Variants in LRCH1 observed in about 807,000 individuals in gnomAD.
LRCH1 encodes leucine rich repeats and calponin homology domain containing 1.
In LRCH1, 23 loss-of-function variants were observed where a neutral mutation model predicts 94.9. That is an observed-to-expected ratio of 0.24 (90% CI 0.17 to 0.34). LRCH1 has a LOEUF of 0.34. LRCH1 is among the 10% of genes least tolerant of loss of function. The pLI is 1.00. For synonymous variants in LRCH1, 364 were observed against 354.9 expected (o/e 1.03, Z -0.29); for missense variants, 790 against 945.9 (o/e 0.84, Z 2.16).
intron 3 of LRCH1, among the ~76,000 whole-genome samples, chr13:46,674,314 C>G (rs918910712): frequency 6.6e-6 from 1 of 152,130 alleles, no homozygotes; most frequent in Non-Finnish European, 1.5e-5. Context: ...CTGCCTTGTC[C>G]TGCCATTTGA....
At chr13:46,560,507 T>G (rs1426032295) in intron 1 of LRCH1, among the ~76,000 whole-genome samples, 1 of 152,310 alleles carries the variant, frequency 6.6e-6, no homozygotes, top group Non-Finnish European at 1.5e-5. Flanking sequence ...TTGGTGTTAA[T>G]TGCAGTGATT....
intron 1 of LRCH1, among the ~76,000 whole-genome samples, chr13:46,580,178 C>G (rs1419027931): frequency 6.6e-6 from 1 of 152,200 alleles, no homozygotes; most frequent in Non-Finnish European, 1.5e-5. Context: ...GGATAATAAG[C>G]TAGCTCTGAG....
chr13:46,698,506 T>C (rs1871308698), intron 9 of LRCH1, among the ~76,000 whole-genome samples: 1 of 152,180 alleles, frequency 6.6e-6, no homozygotes, highest in South Asian at 2.1e-4. Context: ...GTTGTACACG[T>C]GAAAACTATT....
chr13:46,708,028 C>T (rs980262726), intron 13 of LRCH1, among the ~76,000 whole-genome samples: 5 of 152,192 alleles, frequency 3.3e-5, no homozygotes, highest in Non-Finnish European at 7.3e-5. Flanking sequence ...GGTATATTGC[C>T]TCTTCATGCT....
chr13:46,614,280 G>C (rs541448127), intron 1 of LRCH1, among the ~76,000 whole-genome samples: 1 of 152,160 alleles, frequency 6.6e-6, no homozygotes, highest in East Asian at 1.9e-4. Flanking sequence ...TGCCCCTCCC[G>C]ATTATGCCTT....
chr13:46,681,094 G>A (rs960210819), intron 3 of LRCH1, among the ~76,000 whole-genome samples: 4 of 152,216 alleles, frequency 2.6e-5, no homozygotes, highest in African/African-American at 9.6e-5. Flanking sequence ...GCTTAATTGA[G>A]TATTTGCTTC....
chr13:46,597,950 C>T (rs1292749076), intron 1 of LRCH1, among the ~76,000 whole-genome samples: 1 of 152,068 alleles, frequency 6.6e-6, no homozygotes, highest in African/African-American at 2.4e-5. Context: ...GTGTTCAAGG[C>T]AACTTCATAG....
intron 3 of LRCH1, among the ~76,000 whole-genome samples, chr13:46,674,960 G>A (rs1168779395): frequency 9.2e-5 from 14 of 152,078 alleles, no homozygotes; most frequent in Non-Finnish European, 2.1e-4. Flanking sequence ...TTAACTCCTA[G>A]TGGTTTTTCC....
intron 1 of LRCH1, among the ~76,000 whole-genome samples, chr13:46,624,279 C>T (rs2050918534): frequency 6.6e-6 from 1 of 152,118 alleles, no homozygotes; most frequent in African/African-American, 2.4e-5. Flanking sequence ...ATAAAAGCCT[C>T]CTTCATTTGT....
intron 11 of LRCH1, among the ~76,000 whole-genome samples, chr13:46,704,015 A>G (rs902547828): frequency 6.6e-6 from 1 of 152,148 alleles, no homozygotes; most frequent in South Asian, 2.1e-4. Context: ...TTAAAATACT[A>G]TGTTGTAAAA....
At chr13:46,553,849 G>T (rs2137885520) in intron 1 of LRCH1, 146 bp downstream of exon 1, 4 of 1,470,004 alleles carry the variant, frequency 2.7e-6, no homozygotes, top group South Asian at 2.5e-5. Context: ...GAAGGGACTC[G>T]CGTGGGCGCG....
Position 46,744,552 on chromosome 13 carries a change from A to T in LRCH1, c.*2704A>T. The stretch of plus-strand genomic sequence containing the variant: ...TGGAAAGGGGCCCCGCAGAACTACA[A>T]TGTATGATAATCGAGTATAAATTTC... On this transcript the variant is annotated 3_prime_UTR_variant, in exon 20 of 20. Coordinates refer to ENST00000389797, the MANE Select transcript of LRCH1 (RefSeq NM_001164211.2). The T allele has an allele frequency of 5.1e-6, 5 of 985,428 alleles. No homozygotes were observed. Among genetic ancestry groups the T allele is most frequent in the Non-Finnish European group, 6.0e-6 (5 of 829,934 alleles). 61.0% of individuals were successfully genotyped at this position (985,428 alleles called of 1,614,324 possible). A position where few individuals can be genotyped will look rare whatever the true frequency, so the allele number is the denominator to read the frequency against.
At position 46,715,600 on chromosome 13, in the gene LRCH1, T is replaced by C; in HGVS notation, c.1695T>C (p.Leu565=). ...LILPPISFNT[L]TQAQTWDSSS... ...TTCCTCCTATCTCCTTCAACACACT[T>C]ACACAGGCACAGACATGGGACAGCT... Residue 565 remains leucine (L), a synonymous_variant, in exon 16 of 20, where the codon CTT becomes CTC. Transcript: ENST00000389797. 6.5e-7 allele frequency: 1 copy of C among 1,537,214 alleles called. No homozygotes were observed. The highest frequency in any genetic ancestry group is 8.7e-7 in the Non-Finnish European group (1 of 1,146,834).
At chr13:46,613,121 G>T (rs2050765577) in intron 1 of LRCH1, among the ~76,000 whole-genome samples, 1 of 152,190 alleles carries the variant, frequency 6.6e-6, no homozygotes, top group South Asian at 2.1e-4. Context: ...GCTGGGCGTG[G>T]TGGCTCACGC....
At chr13:46,702,166 T>C (rs1307007082) in intron 11 of LRCH1, among the ~76,000 whole-genome samples, 8 of 151,482 alleles carry the variant, frequency 5.3e-5, no homozygotes, top group Admixed American at 5.3e-4. Flanking sequence ...AGCTCTTGCT[T>C]TCTGAGAATT....
intron 1 of LRCH1, among the ~76,000 whole-genome samples, chr13:46,606,146 T>TTGTGTGTGTGTGTGTGTGTG (rs1555272309): frequency 9.6e-6 from 1 of 103,868 alleles, no homozygotes; most frequent in African/African-American, 3.6e-5. Flanking sequence ...AATTTTAACC[T>TTGTGTGTGTGTGTGTGTGTG]TATGTGTGTG....
intron 1 of LRCH1, among the ~76,000 whole-genome samples, chr13:46,628,142 T>A (rs1278236235): frequency 6.6e-6 from 1 of 152,142 alleles, no homozygotes; most frequent in African/African-American, 2.4e-5. Flanking sequence ...AGGAGCACAG[T>A]TCAGAAGACA....
Position 46,743,524 on chromosome 13 carries a change from A to G in LRCH1, c.*1676A>G. On this transcript the variant is annotated 3_prime_UTR_variant, in exon 20 of 20. Coordinates refer to ENST00000389797, the MANE Select transcript of LRCH1 (RefSeq NM_001164211.2). ...TGTACTCTTCAATCTGTAACACAAT[A>G]AAATCCCTTTGTACGATGTCTAATG... The G allele has an allele frequency of 1.0e-6, 1 of 985,892 alleles. No individual in the cohort carries two copies. The highest frequency in any genetic ancestry group is 1.2e-6 in the Non-Finnish European group (1 of 829,936). 61.1% of individuals were successfully genotyped at this position (985,892 alleles called of 1,614,324 possible). A position where few individuals can be genotyped will look rare whatever the true frequency, so the allele number is the denominator to read the frequency against.
Position 46,660,034 on chromosome 13 carries a change from C to CT in LRCH1, c.453-8981dup, listed in dbSNP as rs767544799. Reference sequence around the variant, plus strand: ...CACTTTCTGTATTCCTTAGGAGTCACTTTTTTTTTTTTTTTGAGACAGGCT... The same window carrying CT: ...CACTTTCTGTATTCCTTAGGAGTCACTTTTTTTTTTTTTTTTGAGACAGGCT... On this transcript the variant is annotated intron_variant, in intron 2 of 19. Coordinates refer to ENST00000389797, the MANE Select transcript of LRCH1 (RefSeq NM_001164211.2). Among the ~76,000 whole-genome samples the CT allele has an allele frequency of 3.8e-3, 394 of 103,644 alleles. 19 individuals carry two copies. The highest frequency in any genetic ancestry group is 0.021 in the South Asian group (58 of 2,816). 68.0% of individuals were successfully genotyped at this position (103,644 alleles called of 152,430 possible).
Sources: gnomAD v4.1 joint callset for allele counts (sites outside exome capture counted in the v4.1 genomes callset) on GRCh38, gnomAD v4.1.1 for gene constraint, MANE v1.5 for transcripts, NCBI Gene and HGNC (gene_info 2026-07-23, HGNC 2026-07-21) for gene names.